Variants in VASH2 observed in about 807,000 individuals in gnomAD.
VASH2 encodes the protein vasohibin 2.
Under a neutral mutation model 37.2 loss-of-function variants are expected in VASH2, and 28 were observed. The ratio of observed to expected loss-of-function variants is 0.75; its 90% CI spans 0.56 to 1.03. The LOEUF (loss-of-function observed/expected upper bound fraction) is 1.03, where lower values mean the gene tolerates loss of function less well. Among genes scored for constraint, VASH2 ranks in the 50% least tolerant of loss-of-function variants. VASH2 has a pLI of 0.00. For synonymous variants in VASH2, 188 were observed against 174.7 expected, an observed-to-expected ratio of 1.08 and a Z score of -0.60; for missense variants, 419 against 459.1, an observed-to-expected ratio of 0.91 and a Z score of 0.80.
chr1:212,984,976 C>T (rs1338716628), intron 7 of VASH2, among the ~76,000 whole-genome samples: 3 of 152,144 alleles, frequency 2.0e-5, no homozygotes, highest in African/African-American at 7.2e-5. Flanking sequence ...GTTAGTGGAT[C>T]AGGTTTGGCT....
In VASH2 at chr1:212,990,836, T is replaced by C. The variant is rs1039556596; in HGVS notation, c.*2252T>C. 1 of 152,134 alleles carries C rather than the reference T, an allele frequency of 6.6e-6. No homozygotes were observed. The highest frequency in any genetic ancestry group is 1.5e-5 in the Non-Finnish European group (1 of 68,034). 9.4% of individuals were successfully genotyped at this position (152,134 alleles called of 1,614,324 possible). ...GTTGTCATCCTACTTTTATTGCCTA[T>C]GGAATATGCTAATTTCTAAAAAAAA... On this transcript the variant is annotated 3_prime_UTR_variant, in exon 8 of 8. Coordinates refer to ENST00000517399, the MANE Select transcript of VASH2 (RefSeq NM_001301056.2).
chr1:212,968,754 G>A (rs1337927675), intron 5 of VASH2: 3 of 985,332 alleles, frequency 3.0e-6, no homozygotes, highest in East Asian at 1.1e-4. Context: ...GAAGCCTCCT[G>A]CAAGTTTAAT....
At chr1:212,957,058 A>ATTCTACTTTGTGT (rs1666519305) in intron 2 of VASH2, among the ~76,000 whole-genome samples, 1 of 152,160 alleles carries the variant, frequency 6.6e-6, no homozygotes, top group African/African-American at 2.4e-5. Context: ...GGCAACGACC[A>ATTCTACTTTGTGT]TTCTACTTTG....
chr1:212,974,882 C>G (rs1431721049), intron 7 of VASH2: 1 of 152,230 alleles, frequency 6.6e-6, no homozygotes, highest in Non-Finnish European at 1.5e-5. Flanking sequence ...ATCCTTCCTC[C>G]TCGGGGAGCC....
chr1:212,966,214 T>A, intron 4 of VASH2, 57 bp from the exon 5 acceptor site: 1 of 1,458,242 alleles, frequency 6.9e-7, no homozygotes, highest in South Asian at 1.2e-5. Flanking sequence ...ATTGACAGAC[T>A]GACCGAGTGT....
At chr1:212,973,906 T>A in intron 6 of VASH2, 49 bp from the exon 7 acceptor site, 2 of 1,588,370 alleles carry the variant, frequency 1.3e-6, no homozygotes, top group Non-Finnish European at 1.7e-6. Flanking sequence ...GACCTGAGGG[T>A]GGAGGTCCCT....
intron 5 of VASH2, chr1:212,966,973 G>C (rs1276290557): frequency 1.8e-6 from 1 of 545,998 alleles, no homozygotes; most frequent in Non-Finnish European, 3.3e-6. Flanking sequence ...TCAAACTGCT[G>C]AGCTCAAGTG....
chr1:212,961,406 A>C, intron 3 of VASH2, 152 bp downstream of exon 3: 1 of 1,495,674 alleles, frequency 6.7e-7, no homozygotes, highest in Non-Finnish European at 8.9e-7. Context: ...GGGAGTCTAG[A>C]AAGAGTGTGC....
intron 2 of VASH2, among the ~76,000 whole-genome samples, chr1:212,955,682 T>G (rs1245711546): frequency 2.0e-5 from 3 of 152,230 alleles, no homozygotes; most frequent in African/African-American, 7.2e-5. Context: ...TCACTTCTTG[T>G]GCCTTATTCT....
At chr1:212,980,062 C>T (rs11802593) in intron 7 of VASH2, among the ~76,000 whole-genome samples, 6,856 of 152,240 alleles carry the variant, frequency 0.045, 219 homozygotes, top group African/African-American at 0.095. Context: ...AGGCTCCTTG[C>T]TAGGGCCGGG....
intron 7 of VASH2, among the ~76,000 whole-genome samples, chr1:212,980,543 A>G (rs1431408276): frequency 6.6e-6 from 1 of 152,146 alleles, no homozygotes; most frequent in Non-Finnish European, 1.5e-5. Context: ...CCCAGAGGTT[A>G]GTAAGCCCTG....
chr1:212,975,942 G>A (rs934900985), intron 7 of VASH2, among the ~76,000 whole-genome samples: 2 of 152,190 alleles, frequency 1.3e-5, no homozygotes, highest in African/African-American at 4.8e-5. Context: ...TGGTGGATCC[G>A]TTTTACTTGG....
intron 5 of VASH2, among the ~76,000 whole-genome samples, chr1:212,969,515 G>A (rs10864031): frequency 0.36 from 54,532 of 151,614 alleles, 11,410 homozygotes; most frequent in East Asian, 0.48. Flanking sequence ...TTTTTGAGAC[G>A]GAGTCTCGGT....
intron 7 of VASH2, 79 bp from the exon 8 acceptor site, chr1:212,988,433 G>GT: frequency 6.9e-7 from 1 of 1,451,912 alleles, no homozygotes; most frequent in Non-Finnish European, 9.6e-7. Flanking sequence ...GGAAAACCGA[G>GT]TAGAGGACCT....
intron 5 of VASH2, chr1:212,967,264 A>G (rs1030196982): frequency 3.9e-6 from 5 of 1,289,300 alleles, no homozygotes; most frequent in East Asian, 5.6e-5. Flanking sequence ...CCCTTACACA[A>G]TAGTCTCATC....
intron 7 of VASH2, among the ~76,000 whole-genome samples, chr1:212,987,233 C>T (rs1443227352): frequency 1.3e-5 from 2 of 151,392 alleles, no homozygotes; most frequent in Non-Finnish European, 2.9e-5. Context: ...AAGAAACCTT[C>T]TAACAATTAT....
At chr1:212,958,579 G>C (rs904884992) in intron 2 of VASH2, among the ~76,000 whole-genome samples, 2 of 152,216 alleles carry the variant, frequency 1.3e-5, no homozygotes, top group African/African-American at 4.8e-5. Context: ...CAAGTCACTG[G>C]TTACAGCAAG....
In VASH2 at chr1:212,951,725, C is replaced by CA; in HGVS notation, c.184dup (p.Thr62AsnfsTer15). 6.2e-7 allele frequency: 1 copy of CA among 1,606,022 alleles called. No homozygotes were observed. Among genetic ancestry groups the CA allele is most frequent in the East Asian group, 2.2e-5 (1 of 44,576 alleles). ...AGAGCGGCTTCCCCATCGACAGCCA[C>CA]ACCTGGGAGCGCATGTGGATGCACG... On this transcript the variant is annotated frameshift_variant, in exon 2 of 8. Transcript: ENST00000517399. LOFTEE classifies it high-confidence loss of function. This position sits in a 1 kb window ranked among gnomAD's most constrained non-coding sequence, Gnocchi z 4.4.
chr1:212,975,231 G>T lies in VASH2; in HGVS notation c.995+1161G>T, dbSNP rs530957682. On this transcript the variant is annotated intron_variant, in intron 7 of 7. Transcript: ENST00000517399. ...GAAGGTTCTGTTTTCGGAAGAACAG[G>T]ACAGGACGAAGTATTTTCATTTCCA... Among the ~76,000 whole-genome samples, 8 of 151,136 alleles carry T rather than the reference G, an allele frequency of 5.3e-5. No individual in the cohort carries two copies. In the East Asian group the frequency reaches 1.5e-3, roughly 29 times the overall value.
Sources: allele counts gnomAD v4.1 joint callset (sites outside exome capture counted in the v4.1 genomes callset), GRCh38; gene constraint gnomAD v4.1.1; non-coding constraint Gnocchi (gnomAD v3.1); transcripts MANE v1.5; gene names NCBI Gene and HGNC (gene_info 2026-07-23, HGNC 2026-07-21).